The following FAM133B variants were observed in gnomAD, a reference collection of about 807,000 sequenced individuals.
FAM133B encodes the protein family with sequence similarity 133 member B, also known as protein FAM133B.
A neutral mutation model predicts 46.4 loss-of-function variants in FAM133B; 25 were observed. The ratio of observed to expected loss-of-function variants is 0.54; its 90% confidence interval spans 0.39 to 0.75. The LOEUF is 0.75. Among genes scored for constraint, FAM133B ranks in the 30% least tolerant of loss-of-function variants. The probability of loss-of-function intolerance (pLI) is 0.00; values close to 1 mark genes in which losing one functional copy is unlikely to be tolerated. For missense variants in FAM133B, 205 were observed against 277.6 expected, an observed-to-expected ratio of 0.74 and a Z score of 1.86; for synonymous variants, 75 against 86.0, an observed-to-expected ratio of 0.87 and a Z score of 0.71.
At chr7:92,579,224 C>A in intron 3 of FAM133B, 93 bp downstream of exon 3, 1 of 1,076,186 alleles carries the variant, frequency 9.3e-7, no homozygotes, top group Non-Finnish European at 1.4e-6. Flanking sequence ...TCCTGGCCTC[C>A]CGTTTCGGCC....
chr7:92,564,389 A>G (rs1731327398), intron 10 of FAM133B, among the ~76,000 whole-genome samples: 1 of 152,216 alleles, frequency 6.6e-6, no homozygotes, highest in South Asian at 2.1e-4. Context: ...GCCTGCATAG[A>G]GTTGCTTCAT....
At position 92,562,230 on chromosome 7, in the gene FAM133B, T is replaced by C; in HGVS notation, c.*52A>G. The C allele has an allele frequency of 1.3e-6, 2 of 1,485,370 alleles. No individual in the cohort carries two copies. Among genetic ancestry groups the C allele is most frequent in the South Asian group, 1.3e-5 (1 of 76,172 alleles). The allele number at this position is 1,485,370 out of a possible 1,614,324, so 92.0% of individuals were successfully genotyped here. ...TATGTTGTAGTTTTCACAGTTGAAA[T>C]TTCCTCAGACATTGCACTTTCTTTA... On this transcript the variant is annotated 3_prime_UTR_variant, in exon 11 of 11. Coordinates refer to ENST00000445716, the MANE Select transcript of FAM133B (RefSeq NM_152789.4).
chr7:92,585,322 GGTTTTT>G lies in FAM133B; in HGVS notation c.25-3725_25-3720del, dbSNP rs147517222. The G allele has an allele frequency of 7.4e-3, 7,137 of 969,866 alleles. 37 individuals carry two copies. The highest frequency in any genetic ancestry group is 8.2e-3 in the Non-Finnish European group (6,726 of 815,848). The allele number at this position is 969,866 out of a possible 1,614,324, so 60.1% of individuals were successfully genotyped here. Reference sequence around the variant, plus strand: ...CCTTTGTTAAATTTAACTGGTCTCAGGTTTTTGTTTTTGTTTTCAACAATATTGATC... The same window carrying G: ...CCTTTGTTAAATTTAACTGGTCTCAGGTTTTTGTTTTCAACAATATTGATC... On this transcript the variant is annotated intron_variant, in intron 1 of 10. Coordinates refer to ENST00000445716, the MANE Select transcript of FAM133B (RefSeq NM_152789.4).
intron 9 of FAM133B, 187 bp downstream of exon 9, chr7:92,569,636 A>T (rs980899066): frequency 5.6e-5 from 19 of 340,880 alleles, no homozygotes; most frequent in Non-Finnish European, 9.7e-5. Flanking sequence ...AATTATAAAA[A>T]ATAATAGATA....
intron 1 of FAM133B, among the ~76,000 whole-genome samples, chr7:92,582,662 T>C (rs1191791564): frequency 6.6e-6 from 1 of 151,980 alleles, no homozygotes; most frequent in African/African-American, 2.4e-5. Flanking sequence ...CTCCAAGTAA[T>C]TAAAAAATGG....
rs531673227 is a variant in FAM133B at position 92,580,932 on chromosome 7, A to C, written c.122+574T>G. Among the ~76,000 whole-genome samples, 7 of 152,312 alleles carry C rather than the reference A, an allele frequency of 4.6e-5. No individual in the cohort carries two copies. The East Asian group carries it at 1.2e-3, about 25-fold the overall frequency. ...AAAGGAAGGATTCCCTATTATACATAAGCATACTTTTCAACCAGTTGCCTA... is the reference window on the plus strand; with the variant it reads ...AAAGGAAGGATTCCCTATTATACATCAGCATACTTTTCAACCAGTTGCCTA... On this transcript the variant is annotated intron_variant, in intron 2 of 10. Transcript: ENST00000445716.
At position 92,581,387 on chromosome 7, in the gene FAM133B, C is replaced by T. The variant is rs1159360558; in HGVS notation, c.122+119G>A. On this transcript the variant is annotated intron_variant, in intron 2 of 10. Transcript: ENST00000445716. ...AAAAGAAAGCACATATCAAATGTTA[C>T]TTAAAAAAATTACTTATCTGGCAAT... is the stretch of plus-strand genomic sequence containing the variant. 3 of 774,348 alleles carry T rather than the reference C, an allele frequency of 3.9e-6. No homozygotes were observed. The East Asian group carries it at 8.2e-5, about 21-fold the overall frequency. 48.0% of individuals were successfully genotyped at this position (774,348 alleles called of 1,614,324 possible).
intron 1 of FAM133B, 130 bp downstream of exon 1, chr7:92,590,138 T>C: frequency 1.4e-6 from 2 of 1,384,650 alleles, no homozygotes. Context: ...CGGCGGAGGG[T>C]GCTGGGTCTC....
chr7:92,590,237 C>G, intron 1 of FAM133B, 31 bp downstream of exon 1: 1 of 1,613,586 alleles, frequency 6.2e-7, no homozygotes. Flanking sequence ...GGCCCTGCGT[C>G]GCCCCACTGT....
intron 9 of FAM133B, among the ~76,000 whole-genome samples, chr7:92,567,285 T>A (rs1394778462): frequency 3.3e-5 from 5 of 152,226 alleles, no homozygotes; most frequent in African/African-American, 1.2e-4. Context: ...ACATGTTAAG[T>A]CCAAATGTGA....
chr7:92,582,750 T>C (rs1794926526), intron 1 of FAM133B, among the ~76,000 whole-genome samples: 1 of 152,176 alleles, frequency 6.6e-6, no homozygotes, highest in African/African-American at 2.4e-5. Context: ...TCAATATCAC[T>C]AGTCATTAGG....
At position 92,577,637 on chromosome 7, in the gene FAM133B, A is replaced by G. The variant is rs756732911; in HGVS notation, c.372+18T>C. The G allele has an allele frequency of 6.4e-7, 1 of 1,557,970 alleles. No individual in the cohort carries two copies. ...ATTAAGAGATATTATTTCATGAACC[A>G]TTATAAGCAAACCTTACCTCATCTT... On this transcript the variant is annotated intron_variant, in intron 6 of 10. Transcript: ENST00000445716.
intron 1 of FAM133B, among the ~76,000 whole-genome samples, chr7:92,584,632 A>G (rs1794987695): frequency 1.3e-5 from 2 of 152,242 alleles, no homozygotes; most frequent in Non-Finnish European, 2.9e-5. Flanking sequence ...TGTTAAAGAC[A>G]GAGGCATATT....
In FAM133B at chr7:92,562,327, C is replaced by T. The variant is rs139194447; in HGVS notation, c.699G>A (p.Lys233=). 120 of 1,534,848 alleles carry T rather than the reference C, an allele frequency of 7.8e-5. No individual in the cohort carries two copies. In the East Asian group the frequency reaches 2.2e-3, roughly 29 times the overall value. The change falls in exon 11 of 11, where the codon AAG becomes AAA. Residue 233 remains lysine, a synonymous_variant. Transcript: ENST00000445716. ...KKKKKHKKHS[K]KKKKKAASSS... Reference sequence around the variant, plus strand: ...AACTAGCAGCCTTCTTTTTCTTCTTCTTACTGTGTTTCTTATGCTTCTTTT... The same window carrying T: ...AACTAGCAGCCTTCTTTTTCTTCTTTTTACTGTGTTTCTTATGCTTCTTTT...
intron 8 of FAM133B, among the ~76,000 whole-genome samples, chr7:92,571,914 C>G (rs958014450): frequency 6.6e-6 from 1 of 152,124 alleles, no homozygotes; most frequent in Non-Finnish European, 1.5e-5. Context: ...CAAATAAGTA[C>G]TGTTTACTTC....
intron 9 of FAM133B, among the ~76,000 whole-genome samples, chr7:92,568,051 C>A (rs900642788): frequency 2.6e-5 from 4 of 152,080 alleles, no homozygotes; most frequent in African/African-American, 9.6e-5. Context: ...GCGTGAACCA[C>A]CACACCTGGC....
chr7:92,583,887 A>G (rs939896026), intron 1 of FAM133B, among the ~76,000 whole-genome samples: 1 of 151,792 alleles, frequency 6.6e-6, no homozygotes, highest in Non-Finnish European at 1.5e-5. Flanking sequence ...TGTCTCTACT[A>G]AAAACACAAA....
At position 92,583,146 on chromosome 7, in the gene FAM133B, TA is replaced by T. The variant is rs139438847; in HGVS notation, c.25-1544del. Among the ~76,000 whole-genome samples the T allele has an allele frequency of 5.8e-3, 883 of 152,264 alleles. 5 individuals carry two copies. The highest frequency in any genetic ancestry group is 0.02 in the African/African-American group (843 of 41,526). On this transcript the variant is annotated intron_variant, in intron 1 of 10. Coordinates refer to ENST00000445716, the MANE Select transcript of FAM133B (RefSeq NM_152789.4). ...CATACAATGGAATATTATTCAGCCT[TA>T]AAAAAGAATGCAATTCTGATACATA...
intron 9 of FAM133B, among the ~76,000 whole-genome samples, chr7:92,567,523 G>A (rs576517327): frequency 1.3e-5 from 2 of 152,216 alleles, no homozygotes; most frequent in South Asian, 2.1e-4. Flanking sequence ...GAGATCACAA[G>A]CTCACAACAG....
Sources: gnomAD v4.1 joint callset for allele counts (sites outside exome capture counted in the v4.1 genomes callset) on GRCh38, gnomAD v4.1.1 for gene constraint, MANE v1.5 for transcripts, NCBI Gene and HGNC (gene_info 2026-07-23, HGNC 2026-07-21) for gene names.